Variants in NDST4 observed in about 807,000 individuals in gnomAD.
The protein encoded by NDST4 is N-deacetylase and N-sulfotransferase 4, also known as N-heparan sulfate sulfotransferase 4.
In NDST4, 63 loss-of-function variants were observed where a neutral mutation model predicts 100.8. The observed-to-expected ratio is 0.62, with a 90% CI of 0.51 to 0.77. The LOEUF is 0.77. Among genes scored for constraint, NDST4 ranks in the 30% least tolerant of loss-of-function variants. The probability of loss-of-function intolerance (pLI) is 0.00; values close to 1 mark genes in which losing one functional copy is unlikely to be tolerated. For synonymous variants in NDST4, 377 were observed against 361.8 expected (o/e 1.04, Z -0.48); for missense variants, 943 against 1,018.4 (o/e 0.93, Z 1.01).
chr4:114,862,163 T>C (rs1355601828), intron 7 of NDST4, among the ~76,000 whole-genome samples: 1 of 152,112 alleles, frequency 6.6e-6, no homozygotes, highest in Non-Finnish European at 1.5e-5. Context: ...ATAGACTAAT[T>C]TGGATATATG....
At chr4:115,001,977 G>A (rs1727299892) in intron 2 of NDST4, among the ~76,000 whole-genome samples, 1 of 152,144 alleles carries the variant, frequency 6.6e-6, no homozygotes, top group Admixed American at 6.6e-5. Context: ...CTTATTCAAT[G>A]TCCCTATAGT....
chr4:115,016,580 C>A (rs1727681366), intron 2 of NDST4, among the ~76,000 whole-genome samples: 1 of 152,082 alleles, frequency 6.6e-6, no homozygotes, highest in African/African-American at 2.4e-5. Flanking sequence ...TCTAATGCCT[C>A]TGATTTAACA....
At chr4:114,999,302 C>T (rs912342487) in intron 2 of NDST4, among the ~76,000 whole-genome samples, 2 of 152,012 alleles carry the variant, frequency 1.3e-5, no homozygotes, top group Non-Finnish European at 2.9e-5. Context: ...AGATTTGTAT[C>T]CTGGTCCGCT....
chr4:114,934,201 A>G (rs1725575489), intron 6 of NDST4, among the ~76,000 whole-genome samples: 1 of 152,218 alleles, frequency 6.6e-6, no homozygotes, highest in African/African-American at 2.4e-5. Flanking sequence ...GTCATTTGTG[A>G]CAACATAGAT....
intron 6 of NDST4, among the ~76,000 whole-genome samples, chr4:114,915,284 T>C (rs980823591): frequency 6.6e-6 from 1 of 152,098 alleles, no homozygotes; most frequent in African/African-American, 2.4e-5. Flanking sequence ...GGAAAGATTG[T>C]CCAATGCCGT....
intron 2 of NDST4, among the ~76,000 whole-genome samples, chr4:115,049,681 G>A (rs768150079): frequency 6.6e-6 from 1 of 152,170 alleles, no homozygotes; most frequent in Non-Finnish European, 1.5e-5. Flanking sequence ...TAAAGATGTA[G>A]AGCAGGGATT....
At chr4:114,981,580 T>C (rs1295986031) in intron 2 of NDST4, among the ~76,000 whole-genome samples, 2 of 152,216 alleles carry the variant, frequency 1.3e-5, no homozygotes, top group Non-Finnish European at 1.5e-5. Context: ...CTGGGGATTC[T>C]GAATTGGAGA....
chr4:115,088,229 C>G (rs186385744), intron 1 of NDST4, among the ~76,000 whole-genome samples: 5 of 152,016 alleles, frequency 3.3e-5, no homozygotes, highest in African/African-American at 7.2e-5. Flanking sequence ...CAAGCTGACT[C>G]CCTCCCACTA....
intron 4 of NDST4, among the ~76,000 whole-genome samples, chr4:114,950,932 T>C (rs1327096341): frequency 6.6e-6 from 1 of 152,022 alleles, no homozygotes; most frequent in East Asian, 1.9e-4. Flanking sequence ...GTAAGTAAAA[T>C]CTCAGCGTCT....
intron 7 of NDST4, among the ~76,000 whole-genome samples, chr4:114,860,706 A>G (rs1298877825): frequency 6.6e-6 from 1 of 152,230 alleles, no homozygotes; most frequent in Non-Finnish European, 1.5e-5. Context: ...AGTGAGAAAT[A>G]CATCTTCATT....
intron 3 of NDST4, among the ~76,000 whole-genome samples, chr4:114,976,333 C>A (rs1184948065): frequency 6.6e-6 from 1 of 152,008 alleles, no homozygotes; most frequent in Non-Finnish European, 1.5e-5. Context: ...CATGGATGCA[C>A]AAATAGAAGC....
intron 2 of NDST4, among the ~76,000 whole-genome samples, chr4:115,041,243 A>G (rs1728346224): frequency 6.6e-6 from 1 of 152,120 alleles, no homozygotes; most frequent in Non-Finnish European, 1.5e-5. Flanking sequence ...ATTGAAACTG[A>G]ATCTAATCTA....
chr4:115,033,046 T>C (rs909633202), intron 2 of NDST4, among the ~76,000 whole-genome samples: 11 of 150,654 alleles, frequency 7.3e-5, no homozygotes, highest in Non-Finnish European at 1.5e-4. Flanking sequence ...ACTTTGTCAA[T>C]TTATCTATAG....
intron 2 of NDST4, among the ~76,000 whole-genome samples, chr4:115,014,318 C>A (rs1377601485): frequency 6.6e-6 from 1 of 152,006 alleles, no homozygotes; most frequent in Non-Finnish European, 1.5e-5. Context: ...ACATTAATGA[C>A]ATCATATTGA....
intron 2 of NDST4, among the ~76,000 whole-genome samples, chr4:115,023,116 A>G (rs1727895834): frequency 6.6e-6 from 1 of 152,238 alleles, no homozygotes; most frequent in East Asian, 1.9e-4. Flanking sequence ...TGAGGGCTAA[A>G]AGACTACAAA....
intron 2 of NDST4, 53 bp from the exon 3 acceptor site, chr4:114,977,327 G>T: frequency 1.6e-6 from 2 of 1,275,398 alleles, no homozygotes; most frequent in South Asian, 1.3e-5. Flanking sequence ...ATGAAGTTTT[G>T]GGATGCCTCT....
intron 2 of NDST4, among the ~76,000 whole-genome samples, chr4:114,993,190 T>C (rs1380528747): frequency 6.6e-6 from 1 of 151,894 alleles, no homozygotes; most frequent in African/African-American, 2.4e-5. Flanking sequence ...CTTATTATTC[T>C]TTTTTAGATG....
chr4:115,088,473 T>C (rs115079686), intron 1 of NDST4, among the ~76,000 whole-genome samples: 233 of 152,140 alleles, frequency 1.5e-3, no homozygotes, highest in African/African-American at 5.5e-3. Flanking sequence ...AAATGTTTCA[T>C]TTGTAATTAT....
chr4:114,902,154 A>G (rs1724854988), intron 6 of NDST4, among the ~76,000 whole-genome samples: 1 of 152,054 alleles, frequency 6.6e-6, no homozygotes, highest in Non-Finnish European at 1.5e-5. Flanking sequence ...TTTTAATTTT[A>G]CACACTTATT....
Sources: gnomAD v4.1 joint callset for allele counts (sites outside exome capture counted in the v4.1 genomes callset) on GRCh38, gnomAD v4.1.1 for gene constraint, MANE v1.5 for transcripts, NCBI Gene and HGNC (gene_info 2026-07-23, HGNC 2026-07-21) for gene names.